SOX6: variants seen among roughly 807,000 people sequenced by gnomAD.
SOX6 encodes SRY-box transcription factor 6.
In SOX6, 11 loss-of-function variants were observed where a neutral mutation model predicts 97.8. The ratio of observed to expected loss-of-function variants is 0.11; its 90% CI spans 0.07 to 0.19. The LOEUF (loss-of-function observed/expected upper bound fraction) is 0.19. SOX6 is among the 10% of genes least tolerant of loss of function. The probability of loss-of-function intolerance (pLI) is 1.00; values close to 1 mark genes in which losing one functional copy is unlikely to be tolerated. For synonymous variants in SOX6, 360 were observed against 371.4 expected, an observed-to-expected ratio of 0.97 and a Z score of 0.35; for missense variants, 810 against 1,039.5, an observed-to-expected ratio of 0.78 and a Z score of 3.04.
chr11:16,374,237 T>A (rs73429701), intron 1 of SOX6, among the ~76,000 whole-genome samples: 8,802 of 152,068 alleles, frequency 0.058, 795 homozygotes, highest in African/African-American at 0.19. Context: ...CATGGAAGTA[T>A]ACCCAAAAAA....
intron 2 of SOX6, among the ~76,000 whole-genome samples, chr11:16,332,749 TGCCTA>T (rs1036918705): frequency 6.6e-6 from 1 of 152,152 alleles, no homozygotes; most frequent in Non-Finnish European, 1.5e-5. Context: ...TAAAAAACAA[TGCCTA>T]GGGGTCAAGA....
chr11:16,245,034 A>C (rs1257618503), intron 3 of SOX6, among the ~76,000 whole-genome samples: 1 of 151,842 alleles, frequency 6.6e-6, no homozygotes, highest in African/African-American at 2.4e-5. Flanking sequence ...TTGAATTTAC[A>C]GGCAATTTTT....
At chr11:16,721,700 T>C (rs982688122) in intron 2 of SOX6, among the ~76,000 whole-genome samples, 1 of 149,234 alleles carries the variant, frequency 6.7e-6, no homozygotes, top group African/African-American at 2.5e-5. Context: ...TTCACCATGA[T>C]TGTAAGTTTC....
At chr11:16,546,657 C>T (rs1285673444) in intron 4 of SOX6, among the ~76,000 whole-genome samples, 1 of 152,002 alleles carries the variant, frequency 6.6e-6, no homozygotes, top group African/African-American at 2.4e-5. Context: ...AGCTATAAAA[C>T]CGCTAGGAGA....
intron 1 of SOX6, among the ~76,000 whole-genome samples, chr11:16,394,180 G>A (rs897251018): frequency 2.0e-5 from 3 of 151,816 alleles, no homozygotes; most frequent in East Asian, 3.9e-4. Context: ...CATTGAAGAA[G>A]ATGGAAAAAG....
At chr11:16,466,479 G>A (rs986920696) in intron 1 of SOX6, among the ~76,000 whole-genome samples, 2 of 152,040 alleles carry the variant, frequency 1.3e-5, no homozygotes, top group African/African-American at 4.8e-5. Context: ...TGACAAATGT[G>A]ATCTAATTAA....
chr11:16,642,098 C>T (rs1222570501), intron 3 of SOX6, among the ~76,000 whole-genome samples: 2 of 152,132 alleles, frequency 1.3e-5, no homozygotes, highest in East Asian at 1.9e-4. Context: ...TTAGGGCAGG[C>T]CTGGTGGTGA....
intron 2 of SOX6, among the ~76,000 whole-genome samples, chr11:16,717,084 T>C (rs1249390564): frequency 6.6e-6 from 1 of 152,166 alleles, no homozygotes; most frequent in Non-Finnish European, 1.5e-5. Flanking sequence ...ATAAAATCTG[T>C]GGTCATACTA....
At chr11:16,261,165 C>T (rs1403252288) in intron 3 of SOX6, among the ~76,000 whole-genome samples, 1 of 152,104 alleles carries the variant, frequency 6.6e-6, no homozygotes. Flanking sequence ...CTCTATCAGA[C>T]TATAAGCTCT....
chr11:16,668,486 C>T (rs1051428782), intron 3 of SOX6, among the ~76,000 whole-genome samples: 1 of 152,084 alleles, frequency 6.6e-6, no homozygotes, highest in African/African-American at 2.4e-5. Flanking sequence ...GAAGAAAGGA[C>T]AGAAGGAAGA....
At chr11:16,516,029 G>C (rs1363754099) in intron 4 of SOX6, among the ~76,000 whole-genome samples, 1 of 151,722 alleles carries the variant, frequency 6.6e-6, no homozygotes, top group East Asian at 1.9e-4. Context: ...TTGGCAATGC[G>C]GGCTCTTTTT....
At chr11:16,261,108 T>C (rs1853877875) in intron 3 of SOX6, among the ~76,000 whole-genome samples, 1 of 152,172 alleles carries the variant, frequency 6.6e-6, no homozygotes, top group African/African-American at 2.4e-5. Flanking sequence ...ATTACCTAAA[T>C]CATGACTTTT....
intron 4 of SOX6, among the ~76,000 whole-genome samples, chr11:16,494,376 A>T (rs1233793318): frequency 6.6e-6 from 1 of 152,226 alleles, no homozygotes; most frequent in Non-Finnish European, 1.5e-5. Context: ...AGTCTGTCTC[A>T]AAATAAATAA....
intron 6 of SOX6, among the ~76,000 whole-genome samples, chr11:16,151,121 C>T (rs1395846120): frequency 6.6e-6 from 1 of 151,990 alleles, no homozygotes; most frequent in African/African-American, 2.4e-5. Flanking sequence ...GGAAAATTTT[C>T]TTTGACATAT....
chr11:16,542,570 A>T (rs1186702562), intron 4 of SOX6, among the ~76,000 whole-genome samples: 1 of 152,152 alleles, frequency 6.6e-6, no homozygotes, highest in African/African-American at 2.4e-5. Context: ...ACACAAAAAA[A>T]TTCCCACAAC....
chr11:15,994,752 CG>C, intron 13 of SOX6, among the ~76,000 whole-genome samples: 1 of 152,036 alleles, frequency 6.6e-6, no homozygotes, highest in South Asian at 2.1e-4. Flanking sequence ...AAAATATTGG[CG>C]CAAAAGGTTC....
chr11:16,366,330 G>A (rs1206833062), intron 1 of SOX6, among the ~76,000 whole-genome samples: 3 of 152,104 alleles, frequency 2.0e-5, no homozygotes, highest in Non-Finnish European at 4.4e-5. Context: ...TGAAAAGGGA[G>A]CAAGTTATAA....
rs534580175 is a variant in SOX6, at chr11:16,690,271, G to A, written n.429+24559C>T. On this transcript the variant is annotated intron_variant and non_coding_transcript_variant, in intron 3 of 5. Transcript: ENST00000524520. The stretch of plus-strand genomic sequence containing the variant: ...TTTATCTTCTCTGAGTGTGCTAAGA[G>A]ATACATCATTCCTCTCTCTGTGGCT... 8.3e-4 allele frequency among the ~76,000 whole-genome samples: 126 copies of A among 152,288 alleles called. 1 individual carries two copies. The highest frequency in any genetic ancestry group is 6.8e-3 in the Middle Eastern group (2 of 294).
intron 13 of SOX6, among the ~76,000 whole-genome samples, chr11:16,010,094 C>G (rs1356080379): frequency 2.7e-5 from 4 of 146,666 alleles, no homozygotes; most frequent in Non-Finnish European, 4.5e-5. Context: ...AAAAAATATC[C>G]TGAGATATAA....
Sources: allele counts gnomAD v4.1 joint callset (sites outside exome capture counted in the v4.1 genomes callset), GRCh38; gene constraint gnomAD v4.1.1; transcripts MANE v1.5; gene names NCBI Gene and HGNC (gene_info 2026-07-23, HGNC 2026-07-21).